The following MRPS9 variants were observed in gnomAD, a reference collection of about 807,000 sequenced individuals.
MRPS9 encodes the protein mitochondrial ribosomal protein S9, also known as small ribosomal subunit protein uS9m.
MRPS9 carries 45 observed loss-of-function variants against 59.9 expected under a neutral mutation model. That is an observed-to-expected ratio of 0.75 (90% confidence interval 0.59 to 0.96). The LOEUF (loss-of-function observed/expected upper bound fraction) is 0.96. Ranked by LOEUF, MRPS9 falls within the 40% of genes least tolerant of loss-of-function variation. The probability of loss-of-function intolerance (pLI) is 0.00; values close to 1 mark genes in which losing one functional copy is unlikely to be tolerated. For synonymous variants in MRPS9, 171 were observed against 166.8 expected, an observed-to-expected ratio of 1.03 and a Z score of -0.19; for missense variants, 473 against 481.1, an observed-to-expected ratio of 0.98 and a Z score of 0.16.
At chr2:105,078,574 A>G (rs957969352) in intron 4 of MRPS9, among the ~76,000 whole-genome samples, 1 of 152,184 alleles carries the variant, frequency 6.6e-6, no homozygotes, top group Admixed American at 6.6e-5. Context: ...AAGTGCTGAA[A>G]TCAACCATAA....
chr2:105,082,922 A>G (rs991243281), intron 5 of MRPS9, among the ~76,000 whole-genome samples: 3 of 152,184 alleles, frequency 2.0e-5, no homozygotes, highest in African/African-American at 7.2e-5. Context: ...CATAGTAACA[A>G]ATGATTTCTT....
At chr2:105,051,960 T>G (rs978801187) in intron 2 of MRPS9, among the ~76,000 whole-genome samples, 12 of 152,172 alleles carry the variant, frequency 7.9e-5, no homozygotes, top group Non-Finnish European at 1.5e-5. Flanking sequence ...ATACAGGATA[T>G]AGCAAGATAG....
chr2:105,097,047 C>T lies in MRPS9; in HGVS notation c.930-108C>T, dbSNP rs139339560. On this transcript the variant is annotated intron_variant, in intron 9 of 10. Transcript: ENST00000258455. ...TGATTGAGAAGTATGAAAAGTATAACAGTGGCATGCAGAATATTGTTTTTA... is the reference window on the plus strand; with the variant it reads ...TGATTGAGAAGTATGAAAAGTATAATAGTGGCATGCAGAATATTGTTTTTA... 6.8e-4 allele frequency: 780 copies of T among 1,148,352 alleles called. 9 individuals are homozygous for T. In the African/African-American group the frequency reaches 0.011, roughly 16 times the overall value. The allele number at this position is 1,148,352 out of a possible 1,614,324, so 71.1% of individuals were successfully genotyped here.
Position 105,047,163 on chromosome 2 carries a change from A to G in MRPS9, c.136-2008A>G, listed in dbSNP as rs945651475. 9.8e-4 allele frequency among the ~76,000 whole-genome samples: 149 copies of G among 151,960 alleles called. 3 individuals are homozygous for G. Among genetic ancestry groups the G allele is most frequent in the East Asian group, 1.9e-4 (1 of 5,188 alleles). ...GCCAGTTGTGGTCATGCTTTTACTC[A>G]TTGACAGCAATACTGTATCTTCACA... On this transcript the variant is annotated intron_variant, in intron 1 of 10. Transcript: ENST00000258455.
chr2:105,059,526 C>A (rs1679856495), intron 2 of MRPS9, among the ~76,000 whole-genome samples: 1 of 152,004 alleles, frequency 6.6e-6, no homozygotes, highest in Non-Finnish European at 1.5e-5. Context: ...TATGGAAAAA[C>A]CATTAACTGA....
chr2:105,055,982 T>A (rs1239394557), intron 2 of MRPS9, among the ~76,000 whole-genome samples: 1 of 152,214 alleles, frequency 6.6e-6, no homozygotes, highest in Non-Finnish European at 1.5e-5. Flanking sequence ...GTGCAGTAGC[T>A]TTTCTCTAAT....
Position 105,097,162 on chromosome 2 carries a change from C to T in MRPS9, c.937C>T (p.Leu313=). The T allele has an allele frequency of 6.4e-7, 1 of 1,572,616 alleles. No individual in the cohort carries two copies. ...ACTTGTGCTGTGCTTTAGAGAACAG[C>T]TGATGTTCCCTTTCCACTTTGTTGA... The part of the protein sequence containing the change: ...YFPITQDREQ[L]MFPFHFVDRL... Residue 313 remains leucine, a synonymous_variant, in exon 10 of 11, where the codon CTG becomes TTG. Transcript: ENST00000258455.
rs1383137062 is a variant in MRPS9, at chr2:105,080,008, T to C, written c.435T>C (p.Arg145=). 6.2e-7 allele frequency: 1 copy of C among 1,611,844 alleles called. No individual in the cohort carries two copies. The highest frequency in any genetic ancestry group is 8.5e-7 in the Non-Finnish European group (1 of 1,179,056). ...CAATCCAGTGGGGAGAAGATGGCCG[T>C]CCATTTCACTATCTCTTCTATACTG... The part of the protein sequence containing the change: ...QRAIQWGEDG[R]PFHYLFYTGK... The change falls in exon 5 of 11, where the codon CGT becomes CGC. Residue 145 remains arginine, a synonymous_variant. Coordinates refer to ENST00000258455, the MANE Select transcript of MRPS9 (RefSeq NM_182640.3).
At chr2:105,042,425 G>A (rs555018754) in intron 1 of MRPS9, among the ~76,000 whole-genome samples, 47 of 152,328 alleles carry the variant, frequency 3.1e-4, no homozygotes, top group Middle Eastern at 3.4e-3. Flanking sequence ...ATGAAGAAAA[G>A]GTAAGCAAGA....
At position 105,099,787 on chromosome 2, in the gene MRPS9, A is replaced by T. The variant is rs1222749055; in HGVS notation, c.*26A>T. ...GGGTTTGCTCCCAGGAAAGGAGAGGAAGAGCTATATATATGTGCCGACATG... is the reference window on the plus strand; with the variant it reads ...GGGTTTGCTCCCAGGAAAGGAGAGGTAGAGCTATATATATGTGCCGACATG... On this transcript the variant is annotated 3_prime_UTR_variant, in exon 11 of 11. Transcript: ENST00000258455. 1 of 1,608,904 alleles carries T rather than the reference A, an allele frequency of 6.2e-7. No individual in the cohort carries two copies. The highest frequency in any genetic ancestry group is 8.5e-7 in the Non-Finnish European group (1 of 1,175,496).
At chr2:105,063,351 T>C (rs1320841804) in intron 2 of MRPS9, among the ~76,000 whole-genome samples, 1 of 152,232 alleles carries the variant, frequency 6.6e-6, no homozygotes, top group East Asian at 1.9e-4. Context: ...TTTATGTGTA[T>C]ATACATATGT....
intron 4 of MRPS9, among the ~76,000 whole-genome samples, chr2:105,076,497 A>G (rs1021603360): frequency 6.6e-6 from 1 of 152,372 alleles, no homozygotes; most frequent in African/African-American, 2.4e-5. Flanking sequence ...ATACAGACAC[A>G]TACATACGTA....
At chr2:105,092,706 A>G (rs1680585475) in intron 8 of MRPS9, 137 bp downstream of exon 8, 11 of 842,574 alleles carry the variant, frequency 1.3e-5, no homozygotes, top group Non-Finnish European at 1.9e-5. Flanking sequence ...GGATTTCCTA[A>G]TTTTTAAGAT....
intron 1 of MRPS9, among the ~76,000 whole-genome samples, chr2:105,045,361 CAAAA>C (rs1036652648): frequency 7.4e-6 from 1 of 134,878 alleles, no homozygotes; most frequent in African/African-American, 2.8e-5. Context: ...TTTCATATAG[CAAAA>C]GAAAGAAAAT....
rs1240252082 is a variant in MRPS9 at position 105,071,483 on chromosome 2, C to T, written c.403C>T (p.Gln135Ter). Residue 135 changes from glutamine to a stop codon, truncating the protein, a stop_gained, in exon 4 of 11, where the codon CAA becomes TAA. Coordinates refer to ENST00000258455, the MANE Select transcript of MRPS9 (RefSeq NM_182640.3). LOFTEE classifies it high-confidence loss of function. ...MKHPEQIFPR[Q>*]RAIQWGEDGR... ...GCATCCTGAACAGATTTTTCCAAGA[C>T]AAAGAGGTAAGTTTGTTCAAGAATG... 6.2e-7 allele frequency: 1 copy of T among 1,603,634 alleles called. No homozygotes were observed.
intron 1 of MRPS9, among the ~76,000 whole-genome samples, chr2:105,045,235 A>G (rs1216883317): frequency 6.6e-6 from 1 of 152,118 alleles, no homozygotes; most frequent in African/African-American, 2.4e-5. Flanking sequence ...TAGTACATTT[A>G]AACATTTTAT....
intron 8 of MRPS9, 34 bp from the exon 9 acceptor site, chr2:105,093,496 G>T: frequency 7.5e-7 from 1 of 1,337,046 alleles, no homozygotes; most frequent in Non-Finnish European, 1.1e-6. Context: ...AGGTCTTCAA[G>T]ATATTTACTA....
intron 2 of MRPS9, among the ~76,000 whole-genome samples, chr2:105,058,678 C>CTT (rs748204542): frequency 7.0e-6 from 1 of 142,184 alleles, no homozygotes. Flanking sequence ...TAATGAGTTT[C>CTT]TTTTTTTTTT....
intron 9 of MRPS9, 113 bp from the exon 10 acceptor site, chr2:105,097,042 T>C: frequency 8.9e-7 from 1 of 1,118,834 alleles, no homozygotes; most frequent in Non-Finnish European, 1.2e-6. Context: ...GTATGAAAAG[T>C]ATAACAGTGG....
Sources: gnomAD v4.1 joint callset for allele counts (sites outside exome capture counted in the v4.1 genomes callset) on GRCh38, gnomAD v4.1.1 for gene constraint, MANE v1.5 for transcripts, NCBI Gene and HGNC (gene_info 2026-07-23, HGNC 2026-07-21) for gene names.